Variants in ENPP1 observed in about 807,000 individuals in gnomAD.
ENPP1 encodes the protein ectonucleotide pyrophosphatase/phosphodiesterase 1, also known as ectonucleotide pyrophosphatase/phosphodiesterase family member 1.
A neutral mutation model predicts 122.8 loss-of-function variants in ENPP1; 73 were observed. The observed-to-expected ratio is 0.59, with a 90% CI of 0.49 to 0.72. The LOEUF is 0.72. Ranked by LOEUF, ENPP1 falls within the 30% of genes least tolerant of loss-of-function variation. ENPP1 has a pLI of 0.00. For synonymous variants in ENPP1, 367 were observed against 391.6 expected, an observed-to-expected ratio of 0.94 and a Z score of 0.74; for missense variants, 978 against 1,128.1, an observed-to-expected ratio of 0.87 and a Z score of 1.91.
At chr6:131,861,209 T>C (rs1782019094) in intron 8 of ENPP1, among the ~76,000 whole-genome samples, 1 of 152,194 alleles carries the variant, frequency 6.6e-6, no homozygotes. Context: ...GTGAGGATTA[T>C]GTGAATTAAT....
intron 1 of ENPP1, among the ~76,000 whole-genome samples, chr6:131,839,970 A>G (rs1339160806): frequency 6.6e-6 from 1 of 152,184 alleles, no homozygotes; most frequent in Non-Finnish European, 1.5e-5. Flanking sequence ...TGTAATGTAT[A>G]TATTTACATC....
intron 2 of ENPP1, among the ~76,000 whole-genome samples, chr6:131,848,316 A>G (rs1025326542): frequency 6.6e-6 from 1 of 152,168 alleles, no homozygotes; most frequent in African/African-American, 2.4e-5. Flanking sequence ...CTTTCCATCA[A>G]TTGCAGAAAT....
intron 1 of ENPP1, chr6:131,826,047 C>T: frequency 1.3e-6 from 1 of 761,698 alleles, no homozygotes. Context: ...TGAGCAAATT[C>T]TCTTCAACAA....
intron 24 of ENPP1, 129 bp from the exon 25 acceptor site, chr6:131,890,211 CA>C (rs1180974147): frequency 1.3e-6 from 1 of 762,274 alleles, no homozygotes; most frequent in Non-Finnish European, 2.4e-6. Flanking sequence ...TGATGCCTAA[CA>C]AATCATGTGG....
intron 9 of ENPP1, among the ~76,000 whole-genome samples, 165 bp downstream of exon 9, chr6:131,861,869 C>A (rs1374844769): frequency 6.6e-6 from 1 of 152,072 alleles, no homozygotes; most frequent in Non-Finnish European, 1.5e-5. Flanking sequence ...GGTAAATGGA[C>A]AGTAAAACTA....
chr6:131,891,550 T>C lies in ENPP1; in HGVS notation c.*1039T>C, dbSNP rs1262538569. 1 of 152,216 alleles carries C rather than the reference T, an allele frequency of 6.6e-6. No homozygotes were observed. The highest frequency in any genetic ancestry group is 1.9e-4 in the East Asian group (1 of 5,200). 9.4% of individuals were successfully genotyped at this position (152,216 alleles called of 1,614,324 possible). Reference sequence around the variant, plus strand: ...TTTCTTTACTACCTTGACTGTAGCTTTTTATCCCTACCTGTGAACCTTCAA... The same window carrying C: ...TTTCTTTACTACCTTGACTGTAGCTCTTTATCCCTACCTGTGAACCTTCAA... On this transcript the variant is annotated 3_prime_UTR_variant, in exon 25 of 25. Transcript: ENST00000647893.
chr6:131,872,718 T>C (rs1269218610), intron 14 of ENPP1, among the ~76,000 whole-genome samples: 3 of 152,154 alleles, frequency 2.0e-5, no homozygotes, highest in Non-Finnish European at 4.4e-5. Context: ...TTAGCTGTTT[T>C]TTCATCTGAC....
intron 19 of ENPP1, among the ~76,000 whole-genome samples, chr6:131,879,674 T>G (rs1317614644): frequency 6.6e-6 from 1 of 152,198 alleles, no homozygotes; most frequent in East Asian, 1.9e-4. Context: ...TACATTGATT[T>G]CAGAATCTTT....
chr6:131,862,721 A>C (rs529707341), intron 9 of ENPP1, among the ~76,000 whole-genome samples: 3 of 152,304 alleles, frequency 2.0e-5, no homozygotes, highest in Admixed American at 2.0e-4. Context: ...TGGTCTGGTA[A>C]ATATCTCAAG....
chr6:131,808,163 CGCA>C lies in ENPP1; in HGVS notation c.130_132del (p.Gln44del). Reference sequence around the variant, plus strand: ...CACGCTGCCGAGGCGCCCGGGGACCCGCAGGCGGCCGCGTCCTTGCTGGCCCCT... The same window carrying C: ...CACGCTGCCGAGGCGCCCGGGGACCCGGCGGCCGCGTCCTTGCTGGCCCCT... On this transcript the variant is annotated inframe_deletion, in exon 1 of 25. Transcript: ENST00000647893. 1 of 1,454,872 alleles carries C rather than the reference CGCA, an allele frequency of 6.9e-7. No homozygotes were observed. Among genetic ancestry groups the C allele is most frequent in the East Asian group, 3.0e-5 (1 of 33,328 alleles). 90.1% of individuals were successfully genotyped at this position (1,454,872 alleles called of 1,614,324 possible).
intron 18 of ENPP1, chr6:131,877,866 A>AAAAATATAT (rs1562183349): frequency 1.1e-4 from 6 of 53,026 alleles, no homozygotes; most frequent in African/African-American, 5.6e-4. Flanking sequence ...AAAAAAAAAA[A>AAAAATATAT]ATATATATAT....
At chr6:131,818,354 G>A (rs1781442419) in intron 1 of ENPP1, among the ~76,000 whole-genome samples, 1 of 152,124 alleles carries the variant, frequency 6.6e-6, no homozygotes, top group Non-Finnish European at 1.5e-5. Context: ...CAATAAAAAT[G>A]TCCTTGATGA....
intron 11 of ENPP1, among the ~76,000 whole-genome samples, chr6:131,865,687 G>A (rs969971378): frequency 5.3e-5 from 8 of 152,172 alleles, no homozygotes; most frequent in African/African-American, 1.9e-4. Context: ...AACACAGGAA[G>A]CATTAGAACA....
chr6:131,818,365 G>A (rs764194156), intron 1 of ENPP1, among the ~76,000 whole-genome samples: 1 of 152,052 alleles, frequency 6.6e-6, no homozygotes, highest in Non-Finnish European at 1.5e-5. Flanking sequence ...TCCTTGATGA[G>A]GCTGGTCGCG....
At chr6:131,834,801 T>C (rs1354798841) in intron 1 of ENPP1, among the ~76,000 whole-genome samples, 1 of 152,014 alleles carries the variant, frequency 6.6e-6, no homozygotes, top group Non-Finnish European at 1.5e-5. Context: ...CTTCGTGATC[T>C]GCCCTCCTTG....
chr6:131,835,908 C>G (rs1450446576), intron 1 of ENPP1, among the ~76,000 whole-genome samples: 1 of 152,102 alleles, frequency 6.6e-6, no homozygotes, highest in Non-Finnish European at 1.5e-5. Context: ...AAAAAATATA[C>G]TTGTGATTAT....
At chr6:131,859,945 A>T (rs1245397900) in intron 7 of ENPP1, among the ~76,000 whole-genome samples, 1 of 152,144 alleles carries the variant, frequency 6.6e-6, no homozygotes, top group Non-Finnish European at 1.5e-5. Flanking sequence ...CATGAAAAAC[A>T]GTTTGCTGTT....
In ENPP1 at chr6:131,808,200, G is replaced by T. The variant is rs768034745; in HGVS notation, c.165G>T (p.Val55=). The T allele has an allele frequency of 7.3e-6, 11 of 1,509,734 alleles. No individual in the cohort carries two copies. The East Asian group carries it at 2.5e-4, about 34-fold the overall frequency. 93.5% of individuals were successfully genotyped at this position (1,509,734 alleles called of 1,614,324 possible). A position where few individuals can be genotyped will look rare whatever the true frequency, so the allele number is the denominator to read the frequency against. ...AAASLLAPMD[V]GEEPLEKAAR... ...CGTCCTTGCTGGCCCCTATGGACGTGGGGGAGGAGCCGCTGGAGAAGGCGG... is the reference window on the plus strand; with the variant it reads ...CGTCCTTGCTGGCCCCTATGGACGTTGGGGAGGAGCCGCTGGAGAAGGCGG... The change falls in exon 1 of 25, where the codon GTG becomes GTT. Residue 55 remains valine, a synonymous_variant. Transcript: ENST00000647893.
chr6:131,819,624 C>T (rs1781459001), intron 1 of ENPP1, among the ~76,000 whole-genome samples: 1 of 152,182 alleles, frequency 6.6e-6, no homozygotes, highest in Admixed American at 6.5e-5. Flanking sequence ...TGTCAGTCAG[C>T]CAGTTCCCTG....
Sources: gnomAD v4.1 joint callset for allele counts (sites outside exome capture counted in the v4.1 genomes callset) on GRCh38, gnomAD v4.1.1 for gene constraint, MANE v1.5 for transcripts, NCBI Gene and HGNC (gene_info 2026-07-23, HGNC 2026-07-21) for gene names.